Variants in SHTN1 observed in about 807,000 individuals in gnomAD.
SHTN1 encodes shootin-1.
SHTN1 carries 42 observed loss-of-function variants against 83.1 expected under a neutral mutation model. That is an observed-to-expected ratio of 0.51 (90% CI 0.39 to 0.65). The LOEUF is 0.65. Among genes scored for constraint, SHTN1 ranks in the 30% least tolerant of loss-of-function variants. The pLI, the probability that SHTN1 is intolerant of heterozygous loss-of-function variation, is 0.00. For missense variants in SHTN1, 622 were observed against 737.8 expected (o/e 0.84, Z 1.82); for synonymous variants, 224 against 247.7 (o/e 0.90, Z 0.90).
At chr10:116,985,485 C>T (rs953241965) in intron 1 of SHTN1, among the ~76,000 whole-genome samples, 1 of 151,994 alleles carries the variant, frequency 6.6e-6, no homozygotes, top group Non-Finnish European at 1.5e-5. Flanking sequence ...ATCCAGATTC[C>T]CATATCTAGG....
chr10:116,932,097 C>T (rs921661068), intron 9 of SHTN1, among the ~76,000 whole-genome samples: 3 of 152,324 alleles, frequency 2.0e-5, no homozygotes, highest in Non-Finnish European at 2.9e-5. Flanking sequence ...TTCCCAGGCT[C>T]GCAATATGTA....
chr10:117,117,480 G>C (rs1412018998), intron 1 of SHTN1, among the ~76,000 whole-genome samples: 1 of 152,156 alleles, frequency 6.6e-6, no homozygotes, highest in Non-Finnish European at 1.5e-5. Flanking sequence ...GCAATCTACA[G>C]ATTCAATGCA....
chr10:116,997,126 C>T (rs1312224160), intron 1 of SHTN1, among the ~76,000 whole-genome samples: 1 of 152,226 alleles, frequency 6.6e-6, no homozygotes, highest in Admixed American at 6.5e-5. Flanking sequence ...GATACCCATT[C>T]TCCTTTACAA....
At position 117,097,505 on chromosome 10, in the gene SHTN1, T is replaced by C. The variant is rs146431465; in HGVS notation, c.-189+28802A>G. Among the ~76,000 whole-genome samples the C allele has an allele frequency of 4.4e-3, 669 of 152,384 alleles. 8 individuals carry two copies. Among genetic ancestry groups the C allele is most frequent in the African/African-American group, 0.015 (640 of 41,590 alleles). On this transcript the variant is annotated intron_variant, in intron 1 of 17. Coordinates refer to the SHTN1 transcript ENST00000392901. ...AGAGAATATACATTTACACCTTGGG[T>C]GGCAAATTATGCTAATGAGATGCAT...
intron 1 of SHTN1, among the ~76,000 whole-genome samples, chr10:117,076,849 A>G (rs1853164093): frequency 1.3e-5 from 2 of 152,222 alleles, no homozygotes; most frequent in Non-Finnish European, 2.9e-5. Flanking sequence ...AGCGAAATTG[A>G]CTTACAAGTT....
chr10:116,911,954 CTA>C (rs1848217468), intron 13 of SHTN1, 111 bp from the exon 14 acceptor site: 9 of 758,350 alleles, frequency 1.2e-5, no homozygotes, highest in Non-Finnish European at 2.0e-5. Context: ...ATATGTATGA[CTA>C]TATATATTTT....
chr10:117,066,263 A>G (rs988129079), intron 1 of SHTN1, among the ~76,000 whole-genome samples: 2 of 152,106 alleles, frequency 1.3e-5, no homozygotes, highest in African/African-American at 4.8e-5. Flanking sequence ...TATCACCTCA[A>G]TTTCTATAGC....
chr10:117,086,290 T>C (rs1853351815), intron 1 of SHTN1, among the ~76,000 whole-genome samples: 1 of 152,246 alleles, frequency 6.6e-6, no homozygotes, highest in African/African-American at 2.4e-5. Flanking sequence ...GAGCACAGCA[T>C]TATCTTTCTC....
intron 1 of SHTN1, among the ~76,000 whole-genome samples, chr10:116,995,360 G>A (rs890987586): frequency 6.6e-5 from 10 of 152,172 alleles, no homozygotes; most frequent in Admixed American, 3.9e-4. Context: ...TGCTAACATC[G>A]AGCAAAATTA....
chr10:116,933,227 G>A (rs377305383), intron 9 of SHTN1, among the ~76,000 whole-genome samples: 1 of 152,094 alleles, frequency 6.6e-6, no homozygotes, highest in East Asian at 1.9e-4. Context: ...GTGCAGGTTT[G>A]TTACATAGGT....
chr10:117,092,399 T>A (rs907233775), intron 1 of SHTN1, among the ~76,000 whole-genome samples: 6 of 152,230 alleles, frequency 3.9e-5, no homozygotes, highest in Admixed American at 6.5e-5. Context: ...ACATCCTTTA[T>A]CCAGAATTTG....
chr10:116,944,160 T>G (rs979728864), intron 8 of SHTN1, among the ~76,000 whole-genome samples: 1 of 152,198 alleles, frequency 6.6e-6, no homozygotes, highest in African/African-American at 2.4e-5. Context: ...TTATCTGAGA[T>G]GGTATATGGA....
intron 1 of SHTN1, among the ~76,000 whole-genome samples, chr10:117,053,574 A>G (rs866172179): frequency 2.6e-5 from 4 of 152,216 alleles, no homozygotes; most frequent in Admixed American, 2.6e-4. Context: ...ACTATTTCAT[A>G]CCCACTAGGA....
At chr10:116,950,946 G>A (rs563552925) in intron 6 of SHTN1, among the ~76,000 whole-genome samples, 5 of 152,256 alleles carry the variant, frequency 3.3e-5, no homozygotes, top group Non-Finnish European at 5.9e-5. Context: ...GGATCAATAC[G>A]TTGGCATGCT....
At chr10:116,911,647 C>T (rs1006174247) in intron 14 of SHTN1, 143 bp downstream of exon 14, 105 of 1,562,192 alleles carry the variant, frequency 6.7e-5, no homozygotes, top group Non-Finnish European at 9.0e-5. Flanking sequence ...AGTCTGTAAG[C>T]ACGATCAAAT....
chr10:116,901,749 G>A lies in SHTN1; in HGVS notation c.1673+16C>T. On this transcript the variant is annotated intron_variant, in intron 16 of 16. Transcript: ENST00000355371. ...ATTCTTCTATACACCACTTAGTAAA[G>A]AGCATCGTTACTTACTGAAACGTAA... The A allele has an allele frequency of 6.4e-7, 1 of 1,570,950 alleles. No individual in the cohort carries two copies. The highest frequency in any genetic ancestry group is 8.6e-7 in the Non-Finnish European group (1 of 1,164,056).
At chr10:117,116,660 A>G (rs1318050337) in intron 1 of SHTN1, among the ~76,000 whole-genome samples, 1 of 152,222 alleles carries the variant, frequency 6.6e-6, no homozygotes, top group African/African-American at 2.4e-5. Context: ...AAAAATCCTC[A>G]GAAAAATACT....
At chr10:116,899,957 C>T (rs1418559883) in intron 16 of SHTN1, among the ~76,000 whole-genome samples, 1 of 152,124 alleles carries the variant, frequency 6.6e-6, no homozygotes, top group Non-Finnish European at 1.5e-5. Flanking sequence ...TTACATGTAA[C>T]TACATTAAGT....
chr10:116,940,117 A>AGT (rs1341760320), intron 9 of SHTN1, among the ~76,000 whole-genome samples: 3 of 152,196 alleles, frequency 2.0e-5, no homozygotes, highest in African/African-American at 7.2e-5. Context: ...ACAGCCTCTT[A>AGT]GTGTGTGCAG....
Sources: gnomAD v4.1 joint callset for allele counts (sites outside exome capture counted in the v4.1 genomes callset) on GRCh38, gnomAD v4.1.1 for gene constraint, MANE v1.5 for transcripts, NCBI Gene and HGNC (gene_info 2026-07-23, HGNC 2026-07-21) for gene names.